The following GIGYF1 variants were observed in gnomAD, a reference collection of about 807,000 sequenced individuals.
The protein encoded by GIGYF1 is GRB10-interacting GYF protein 1.
GIGYF1 carries 84 observed loss-of-function variants against 147.1 expected under a neutral mutation model. The ratio of observed to expected loss-of-function variants is 0.57; its 90% CI spans 0.48 to 0.68. The LOEUF is 0.68. Among genes scored for constraint, GIGYF1 ranks in the 30% least tolerant of loss-of-function variants. The probability of loss-of-function intolerance (pLI) is 0.00; values close to 1 mark genes in which losing one functional copy is unlikely to be tolerated. For synonymous variants in GIGYF1, 752 were observed against 589.5 expected (o/e 1.28, Z -3.99); for missense variants, 1,485 against 1,393.7 (o/e 1.07, Z -1.04).
chr7:100,688,520 G>C lies in GIGYF1; in HGVS notation c.-134-5C>G, dbSNP rs1805589704. 1 of 663,936 alleles carries C rather than the reference G, an allele frequency of 1.5e-6. No individual in the cohort carries two copies. Among genetic ancestry groups the C allele is most frequent in the African/African-American group, 1.8e-5 (1 of 56,502 alleles). 41.1% of individuals were successfully genotyped at this position (663,936 alleles called of 1,614,324 possible). A position where few individuals can be genotyped will look rare whatever the true frequency, so the allele number is the denominator to read the frequency against. Reference sequence around the variant, plus strand: ...TGAGTCCAGACGGTGAAAGACCTGGGGGAGGCGAGGAGATGGGAAGCTCGA... The same window carrying C: ...TGAGTCCAGACGGTGAAAGACCTGGCGGAGGCGAGGAGATGGGAAGCTCGA... On this transcript the variant is annotated splice_region_variant and splice_polypyrimidine_tract_variant and intron_variant, in intron 2 of 26. Transcript: ENST00000678049.
In GIGYF1 at chr7:100,685,649, C is replaced by T. The variant is rs997761552; in HGVS notation, c.1055-168G>A. On this transcript the variant is annotated intron_variant, in intron 12 of 26. Transcript: ENST00000678049. ...TGGCAGAGGGAATGCGGTGCCCTGACCCTCGCCTCCACGCTGCCAGACGCG... is the reference window on the plus strand; with the variant it reads ...TGGCAGAGGGAATGCGGTGCCCTGATCCTCGCCTCCACGCTGCCAGACGCG... Among the ~76,000 whole-genome samples the T allele has an allele frequency of 4.6e-5, 7 of 152,320 alleles. No homozygotes were observed. The South Asian group carries it at 1.4e-3, about 32-fold the overall frequency.
rs774685153 is a variant in GIGYF1 at position 100,684,009 on chromosome 7, G to T, written c.1868+11C>A. The T allele has an allele frequency of 7.5e-7, 1 of 1,334,004 alleles. No homozygotes were observed. The highest frequency in any genetic ancestry group is 1.5e-5 in the African/African-American group (1 of 66,656). The allele number at this position is 1,334,004 out of a possible 1,614,324, so 82.6% of individuals were successfully genotyped here. ...CACCCTGTATCCTGAGGGCTCGCAC[G>T]CACCACGCACCTGGGGGGTTTGAGC... On this transcript the variant is annotated intron_variant, in intron 18 of 26. Transcript: ENST00000678049.
At chr7:100,687,194 G>A (rs1003236699) in intron 8 of GIGYF1, 104 bp downstream of exon 8, 49 of 1,451,496 alleles carry the variant, frequency 3.4e-5, no homozygotes, top group Non-Finnish European at 3.5e-5. Context: ...CCGGGATCTC[G>A]GACAGGGCTT....
chr7:100,693,006 G>C (rs762889114), intron 1 of GIGYF1, among the ~76,000 whole-genome samples: 6 of 152,168 alleles, frequency 3.9e-5, no homozygotes, highest in Non-Finnish European at 7.3e-5. Context: ...AAAGGCGAGG[G>C]GTTGGCGGGG....
At position 100,681,627 on chromosome 7, in the gene GIGYF1, G is replaced by A. The variant is rs981815733; in HGVS notation, c.*92C>T. ...GGACCCCGCCCCTGCCTCTTCCTGT[G>A]CTCTCTGCGGGGAGCCTGCAGGCTG... On this transcript the variant is annotated 3_prime_UTR_variant, in exon 27 of 27. Coordinates refer to ENST00000678049, the MANE Select transcript of GIGYF1 (RefSeq NM_001375765.1). 69 of 1,251,642 alleles carry A rather than the reference G, an allele frequency of 5.5e-5. No homozygotes were observed. The highest frequency in any genetic ancestry group is 2.7e-4 in the Middle Eastern group (1 of 3,716). 77.5% of individuals were successfully genotyped at this position (1,251,642 alleles called of 1,614,324 possible).
At chr7:100,682,941 G>T in intron 22 of GIGYF1, 71 bp downstream of exon 22, 1 of 1,349,356 alleles carries the variant, frequency 7.4e-7, no homozygotes, top group Non-Finnish European at 9.8e-7. Context: ...ACAAGTCTGG[G>T]TTCAGTATCC....
At chr7:100,692,374 G>A (rs1477192254) in intron 1 of GIGYF1, among the ~76,000 whole-genome samples, 1 of 152,202 alleles carries the variant, frequency 6.6e-6, no homozygotes, top group Non-Finnish European at 1.5e-5. Flanking sequence ...TTGGGCTCCA[G>A]CCAGGGAAAA....
Position 100,684,489 on chromosome 7 carries a change from G to A in GIGYF1, c.1590C>T (p.Arg530=), listed in dbSNP as rs773083561. The A allele has an allele frequency of 3.2e-5, 52 of 1,613,416 alleles. No individual in the cohort carries two copies. The highest frequency in any genetic ancestry group is 4.0e-5 in the African/African-American group (3 of 74,936). Residue 530 remains arginine (R), a synonymous_variant, in exon 16 of 27, where the codon CGC becomes CGT. Coordinates refer to ENST00000678049, the MANE Select transcript of GIGYF1 (RefSeq NM_001375765.1). ...PLGEVIKMWG[R]VPFAPGPSPP... Reference sequence around the variant, plus strand: ...GTGAGGGCCCTGGGGCAAAGGGCACGCGGCCCCACATCTTGATCACCTCGC... The same window carrying A: ...GTGAGGGCCCTGGGGCAAAGGGCACACGGCCCCACATCTTGATCACCTCGC...
Position 100,682,152 on chromosome 7 carries a change from G to T in GIGYF1, c.2845C>A (p.Leu949Met), listed in dbSNP as rs986327094. 1 of 1,614,042 alleles carries T rather than the reference G, an allele frequency of 6.2e-7. No individual in the cohort carries two copies. Among genetic ancestry groups the T allele is most frequent in the African/African-American group, 1.3e-5 (1 of 75,062 alleles). The stretch of plus-strand genomic sequence containing the variant: ...TGTTTGGCAAATTCTTTGGCTTCCA[G>T]CGTGTCCCCCAGGCAGGAACGGATA... ...DYIRSCLGDTLEAKEFAKQFL... is the reference protein window; with the variant it reads ...DYIRSCLGDTMEAKEFAKQFL... Residue 949 changes from leucine to methionine, a missense_variant, in exon 25 of 27, where the codon CTG (leucine) becomes ATG (methionine). Physicochemically the swap from Leu to Met is conservative, Grantham distance 15. Coordinates refer to ENST00000678049, the MANE Select transcript of GIGYF1 (RefSeq NM_001375765.1).
chr7:100,687,962 C>A lies in GIGYF1; in HGVS notation c.165+19G>T, dbSNP rs760687486. ...AGGCAGAGGCCACCACCGCCAACCC[C>A]CCTCGCCCACGCACCCACCTTGTTC... On this transcript the variant is annotated intron_variant, in intron 5 of 26. Transcript: ENST00000678049. The A allele has an allele frequency of 1.2e-6, 2 of 1,609,602 alleles. No individual in the cohort carries two copies. Among genetic ancestry groups the A allele is most frequent in the African/African-American group, 2.7e-5 (2 of 74,856 alleles).
intron 7 of GIGYF1, 40 bp from the exon 8 acceptor site, chr7:100,687,446 G>C (rs781220505): frequency 6.2e-6 from 10 of 1,607,284 alleles, no homozygotes; most frequent in Non-Finnish European, 6.0e-6. Flanking sequence ...CCTGCTGCAC[G>C]TTCTCGAAGT....
At position 100,682,681 on chromosome 7, in the gene GIGYF1, C is replaced by T. The variant is rs369931667; in HGVS notation, c.2509G>A (p.Gly837Ser). 30 of 1,600,168 alleles carry T rather than the reference C, an allele frequency of 1.9e-5. No individual in the cohort carries two copies. Among genetic ancestry groups the T allele is most frequent in the East Asian group, 4.5e-5 (2 of 44,814 alleles). ...GGGGTGTCCTCCCAGAGCCCCAGGC[C>T]GCTGCTGCCGCCCCCACTCTTGTCT... The part of the protein sequence containing the change: ...GPDKSGGGSS[G>S]LGLWEDTPKS... Residue 837 changes from glycine (G) to serine (S), a missense_variant, in exon 23 of 27, where the codon GGC (glycine) becomes AGC (serine). Transcript: ENST00000678049.
intron 22 of GIGYF1, 67 bp downstream of exon 22, chr7:100,682,945 A>C (rs1804928720): frequency 7.4e-6 from 10 of 1,354,636 alleles, no homozygotes. Flanking sequence ...GTCTGGGTTC[A>C]GTATCCCCCT....
In GIGYF1 at chr7:100,686,299, G is replaced by T; in HGVS notation, c.829C>A (p.Arg277=). ...TCAAAGCCTTCAGGCGCTCGGCACC[G>T]CCGCAGGTGAGAGCTGCCTCCCCCT... ...RGGGGSSHLR[R]CRAPEGFEED... The change falls in exon 11 of 27, where the codon CGG becomes AGG. Residue 277 remains arginine, a synonymous_variant. Coordinates refer to ENST00000678049, the MANE Select transcript of GIGYF1 (RefSeq NM_001375765.1). 6.2e-7 allele frequency: 1 copy of T among 1,613,958 alleles called. No homozygotes were observed. Among genetic ancestry groups the T allele is most frequent in the East Asian group, 2.2e-5 (1 of 44,862 alleles).
Position 100,687,336 on chromosome 7 carries a change from G to C in GIGYF1, c.444C>G (p.Ser148Arg). Residue 148 changes from serine (S) to arginine (R), a missense_variant, in exon 8 of 27, where the codon AGC (serine) becomes AGG (arginine). By Grantham distance (110) the Ser-to-Arg change is moderately radical. Coordinates refer to ENST00000678049, the MANE Select transcript of GIGYF1 (RefSeq NM_001375765.1). ...TCTGGCTGCGCTGGATTTCCCGGGG[G>C]CTTCGTCCAAAGGCCCCATCGCCTT... ...IEEGDGAFGR[S>R]PREIQRSQSW... The C allele has an allele frequency of 6.2e-7, 1 of 1,613,290 alleles. No individual in the cohort carries two copies. The highest frequency in any genetic ancestry group is 1.1e-5 in the South Asian group (1 of 91,086).
rs1447403716 is a variant in GIGYF1 at position 100,684,819 on chromosome 7, G to A, written c.1366C>T (p.Gln456Ter). 6.2e-7 allele frequency: 1 copy of A among 1,609,578 alleles called. No homozygotes were observed. The highest frequency in any genetic ancestry group is 2.2e-5 in the East Asian group (1 of 44,792). ...GCGGCTGCAGAGTGGCGCAGGCCCT[G>A]GGTCTGCATGGCAGCCGTGAACTGC... ...EEQFTAAMQT[Q>*]GLRHSAAATA... The change falls in exon 15 of 27, where the codon CAG becomes TAG. Residue 456 changes from glutamine (Q) to a stop codon, truncating the protein, a stop_gained. Transcript: ENST00000678049. LOFTEE classifies it high-confidence loss of function.
rs775338518 is a variant in GIGYF1, at chr7:100,684,630, G to A, written c.1463-14C>T. 42 of 1,613,818 alleles carry A rather than the reference G, an allele frequency of 2.6e-5. No individual in the cohort carries two copies. Among genetic ancestry groups the A allele is most frequent in the Admixed American group, 2.3e-4 (14 of 59,996 alleles). On this transcript the variant is annotated splice_polypyrimidine_tract_variant and intron_variant, in intron 15 of 26. Transcript: ENST00000678049. Reference sequence around the variant, plus strand: ...TCGTGAAGGGGCCTGGACAGGGAGCGAGGGAGCGGGAGAACCACTGGGGTC... The same window carrying A: ...TCGTGAAGGGGCCTGGACAGGGAGCAAGGGAGCGGGAGAACCACTGGGGTC...
chr7:100,684,119 G>C lies in GIGYF1; in HGVS notation c.1769C>G (p.Ala590Gly), dbSNP rs924394549. 6.2e-7 allele frequency: 1 copy of C among 1,608,442 alleles called. No individual in the cohort carries two copies. The highest frequency in any genetic ancestry group is 1.7e-5 in the Admixed American group (1 of 59,954). ...LPQCALREKA[A>G]LGDLTPPPPP... ...TGGTGGCGGTGTCAGGTCCCCCAGA[G>C]CTGCCTTTTCTCGGAGCGCGCACTG... The change falls in exon 18 of 27, where the codon GCT (alanine) becomes GGT (glycine). Residue 590 changes from alanine (A) to glycine (G), a missense_variant. Physicochemically the swap from Ala to Gly is moderately conservative, Grantham distance 60. Coordinates refer to ENST00000678049, the MANE Select transcript of GIGYF1 (RefSeq NM_001375765.1).
chr7:100,681,112 C>T lies in GIGYF1; in HGVS notation c.*607G>A, dbSNP rs1219983637. 1.3e-5 allele frequency: 2 copies of T among 152,724 alleles called. No homozygotes were observed. The highest frequency in any genetic ancestry group is 4.8e-5 in the African/African-American group (2 of 41,472). 9.5% of individuals were successfully genotyped at this position (152,724 alleles called of 1,614,324 possible). A position where few individuals can be genotyped will look rare whatever the true frequency, so the allele number is the denominator to read the frequency against. On this transcript the variant is annotated 3_prime_UTR_variant, in exon 27 of 27. Transcript: ENST00000678049. ...TTGGCCCCACCCCGGACACCTCAGC[C>T]AGCCTCAGTGACAGGAGCTGCTCAC...
Sources: allele counts gnomAD v4.1 joint callset (sites outside exome capture counted in the v4.1 genomes callset), GRCh38; gene constraint gnomAD v4.1.1; transcripts MANE v1.5; gene names NCBI Gene and HGNC (gene_info 2026-07-23, HGNC 2026-07-21).